GALNT13: variants seen among roughly 807,000 people sequenced by gnomAD.
GALNT13 encodes polypeptide N-acetylgalactosaminyltransferase 13, also known as UDP-GalNAc:polypeptide N-acetylgalactosaminyltransferase 13.
Under a neutral mutation model 64.2 loss-of-function variants are expected in GALNT13, and 28 were observed. The ratio of observed to expected loss-of-function variants is 0.44; its 90% CI spans 0.32 to 0.60. The LOEUF (loss-of-function observed/expected upper bound fraction) is 0.60. Ranked by LOEUF, GALNT13 falls within the 20% of genes least tolerant of loss-of-function variation. The pLI, the probability that GALNT13 is intolerant of heterozygous loss-of-function variation, is 0.05. For missense variants in GALNT13, 577 were observed against 669.8 expected, an observed-to-expected ratio of 0.86 and a Z score of 1.53; for synonymous variants, 214 against 224.6, an observed-to-expected ratio of 0.95 and a Z score of 0.42.
At chr2:154,425,294 C>A (rs1700423508) in intron 11 of GALNT13, among the ~76,000 whole-genome samples, 10 of 152,042 alleles carry the variant, frequency 6.6e-5, no homozygotes. Context: ...AGCAAAAAGT[C>A]TTTTATCATT....
chr2:153,294,910 C>A, the GALNT13 span, among the ~76,000 whole-genome samples: 1 of 152,190 alleles, frequency 6.6e-6, no homozygotes, highest in South Asian at 2.1e-4. Flanking sequence ...TAAACCAAAG[C>A]TTTAGACTCC....
the GALNT13 span, among the ~76,000 whole-genome samples, chr2:153,819,493 A>G: frequency 6.6e-6 from 1 of 152,086 alleles, no homozygotes; most frequent in Non-Finnish European, 1.5e-5. Context: ...CCTCCAAGCC[A>G]CCCTTGTCAG....
the GALNT13 span, among the ~76,000 whole-genome samples, chr2:153,513,295 T>A: frequency 2.6e-5 from 4 of 152,186 alleles, no homozygotes; most frequent in East Asian, 7.7e-4. Flanking sequence ...TTTATTGAAA[T>A]TGCTGCTTTG....
chr2:153,682,632 CT>C, the GALNT13 span, among the ~76,000 whole-genome samples: 2 of 151,800 alleles, frequency 1.3e-5, no homozygotes, highest in South Asian at 4.1e-4. Flanking sequence ...GCACAAGCGA[CT>C]TTGTCATGAA....
chr2:153,398,643 T>C, the GALNT13 span, among the ~76,000 whole-genome samples: 1 of 152,234 alleles, frequency 6.6e-6, no homozygotes, highest in Admixed American at 6.5e-5. Context: ...TGTCTCATTG[T>C]AGTTTTGATT....
At position 154,354,130 on chromosome 2, in the gene GALNT13, T is replaced by C. The variant is rs1426608741; in HGVS notation, c.1157-41861T>C. 2.0e-5 allele frequency among the ~76,000 whole-genome samples: 3 copies of C among 152,146 alleles called. No homozygotes were observed. In the East Asian group the frequency reaches 5.8e-4, roughly 29 times the overall value. On this transcript the variant is annotated intron_variant, in intron 9 of 12. Coordinates refer to ENST00000392825, the MANE Select transcript of GALNT13 (RefSeq NM_052917.4). ...TGGGTGTGAGGTGATATTTTTATAG[T>C]GGTTTTCATTTGCATATCCCTGATG...
the GALNT13 span, among the ~76,000 whole-genome samples, chr2:153,282,346 A>C: frequency 3.3e-5 from 5 of 152,268 alleles, no homozygotes; most frequent in East Asian, 7.7e-4. Flanking sequence ...CTTGCAGTCC[A>C]TGCTTTGCTT....
rs375738232 is a variant in GALNT13, at chr2:154,382,655, C to T, written c.1157-13336C>T. 1.1e-4 allele frequency among the ~76,000 whole-genome samples: 17 copies of T among 152,056 alleles called. No individual in the cohort carries two copies. The East Asian group carries it at 1.4e-3, about 12-fold the overall frequency. ...AGTGTCCTGCGGGTAACTAATGATT[C>T]TCCTGTAGCCTTTTCCAGCTTACTC... On this transcript the variant is annotated intron_variant, in intron 9 of 12. Coordinates refer to ENST00000392825, the MANE Select transcript of GALNT13 (RefSeq NM_052917.4).
At chr2:154,053,713 G>C (rs1399759496) in intron 3 of GALNT13, among the ~76,000 whole-genome samples, 1 of 152,128 alleles carries the variant, frequency 6.6e-6, no homozygotes, top group Non-Finnish European at 1.5e-5. Context: ...CTTTGGAATG[G>C]CTTTGTTGCT....
chr2:154,078,064 A>G (rs901659685), intron 3 of GALNT13, among the ~76,000 whole-genome samples: 2 of 151,546 alleles, frequency 1.3e-5, no homozygotes, highest in Admixed American at 1.3e-4. Context: ...GATATTTTCC[A>G]AATACTCTGC....
At chr2:153,880,424 T>C (rs908226028) in intron 1 of GALNT13, among the ~76,000 whole-genome samples, 1 of 152,164 alleles carries the variant, frequency 6.6e-6, no homozygotes, top group Non-Finnish European at 1.5e-5. Context: ...ATGTAAATTA[T>C]TTGAATTCTA....
At chr2:153,798,419 T>C in the GALNT13 span, among the ~76,000 whole-genome samples, 1 of 152,210 alleles carries the variant, frequency 6.6e-6, no homozygotes, top group Admixed American at 6.5e-5. Flanking sequence ...TTTATTACTA[T>C]ATATGTTCAT....
intron 3 of GALNT13, among the ~76,000 whole-genome samples, chr2:154,008,220 T>C (rs957306118): frequency 1.3e-5 from 2 of 152,148 alleles, no homozygotes; most frequent in African/African-American, 4.8e-5. Context: ...TTCCAGCTTT[T>C]GCCCATTCAA....
chr2:154,140,108 T>C (rs16836111), intron 3 of GALNT13, among the ~76,000 whole-genome samples: 18,975 of 152,158 alleles, frequency 0.12, 1,308 homozygotes, highest in Middle Eastern at 0.21. Context: ...AATTATTGTC[T>C]TAATGTTTAG....
At chr2:153,816,606 T>G in the GALNT13 span, among the ~76,000 whole-genome samples, 2 of 149,154 alleles carry the variant, frequency 1.3e-5, no homozygotes, top group Non-Finnish European at 3.0e-5. Context: ...AATGGATGGA[T>G]GGATAGATTA....
At chr2:153,727,542 A>T in the GALNT13 span, among the ~76,000 whole-genome samples, 1 of 152,186 alleles carries the variant, frequency 6.6e-6, no homozygotes, top group Admixed American at 6.5e-5. Flanking sequence ...ACTGTCAAAG[A>T]GTCTTGTAAA....
chr2:153,665,567 G>A, the GALNT13 span, among the ~76,000 whole-genome samples: 1 of 151,526 alleles, frequency 6.6e-6, no homozygotes, highest in Non-Finnish European at 1.5e-5. Flanking sequence ...AATATCAAAA[G>A]AGGAGAGTGA....
At chr2:154,019,850 C>T (rs1253464630) in intron 3 of GALNT13, among the ~76,000 whole-genome samples, 1 of 151,934 alleles carries the variant, frequency 6.6e-6, no homozygotes, top group Admixed American at 6.6e-5. Context: ...ATCCCTCCCC[C>T]CTACCCCCAC....
chr2:154,222,365 T>C (rs180822012), intron 4 of GALNT13, among the ~76,000 whole-genome samples: 26 of 152,288 alleles, frequency 1.7e-4, no homozygotes, highest in African/African-American at 4.8e-4. Context: ...TTTATTTTCA[T>C]TGAAACTATA....
Sources: allele counts gnomAD v4.1 joint callset (sites outside exome capture counted in the v4.1 genomes callset), GRCh38; gene constraint gnomAD v4.1.1; transcripts MANE v1.5; gene names NCBI Gene and HGNC (gene_info 2026-07-23, HGNC 2026-07-21).